The following CYP4Z1 variants were observed in gnomAD, a reference collection of about 807,000 sequenced individuals.
The protein encoded by CYP4Z1 is cytochrome P450 4Z1.
Under a neutral mutation model 54.2 loss-of-function variants are expected in CYP4Z1, and 41 were observed. The observed-to-expected ratio is 0.76, with a 90% CI of 0.59 to 0.98. CYP4Z1 has a LOEUF of 0.98. CYP4Z1 is among the 50% of genes least tolerant of loss of function. CYP4Z1 has a pLI of 0.00. For missense variants in CYP4Z1, 513 were observed against 599.0 expected, an observed-to-expected ratio of 0.86 and a Z score of 1.50; for synonymous variants, 163 against 206.2, an observed-to-expected ratio of 0.79 and a Z score of 1.79.
At chr1:47,093,685 T>C (rs2148534191) in intron 6 of CYP4Z1, among the ~76,000 whole-genome samples, 1 of 152,318 alleles carries the variant, frequency 6.6e-6, no homozygotes, top group African/African-American at 2.4e-5. Context: ...TTCATGCTGA[T>C]GGGACAATAT....
the CYP4Z1 span, among the ~76,000 whole-genome samples, chr1:47,060,745 A>G: frequency 6.6e-6 from 1 of 152,184 alleles, no homozygotes; most frequent in African/African-American, 2.4e-5. Context: ...AAACAGCAGA[A>G]TATATATTCT....
At chr1:47,077,771 C>T (rs557668126) in intron 2 of CYP4Z1, among the ~76,000 whole-genome samples, 5 of 151,786 alleles carry the variant, frequency 3.3e-5, no homozygotes, top group African/African-American at 1.2e-4. Flanking sequence ...CAGGCCTGCA[C>T]CACTATGCCT....
At chr1:47,100,961 T>C (rs1265277540) in intron 8 of CYP4Z1, among the ~76,000 whole-genome samples, 2 of 152,222 alleles carry the variant, frequency 1.3e-5, no homozygotes, top group African/African-American at 4.8e-5. Context: ...TCAGGTTTTC[T>C]ATTTCTTCCC....
intron 8 of CYP4Z1, among the ~76,000 whole-genome samples, chr1:47,104,115 A>ACTT (rs1055479103): frequency 6.6e-6 from 1 of 152,036 alleles, no homozygotes; most frequent in African/African-American, 2.4e-5. Flanking sequence ...ATAGGGGAGG[A>ACTT]CTTTTCCTGA....
At chr1:47,093,966 G>C (rs936426957) in intron 6 of CYP4Z1, among the ~76,000 whole-genome samples, 9 of 152,184 alleles carry the variant, frequency 5.9e-5, no homozygotes, top group African/African-American at 2.2e-4. Flanking sequence ...AAGAGAGAAA[G>C]TTTGATTTCT....
upstream of CYP4Z1, among the ~76,000 whole-genome samples, chr1:47,062,341 C>T (rs1259733600): frequency 3.3e-5 from 5 of 152,222 alleles, no homozygotes; most frequent in Non-Finnish European, 7.3e-5. Flanking sequence ...AGAGAATCTA[C>T]AGACCTTTGA....
At chr1:47,065,994 G>A (rs912624052), upstream of CYP4Z1, among the ~76,000 whole-genome samples, 30 of 151,818 alleles carry the variant, frequency 2.0e-4, no homozygotes, top group Non-Finnish European at 2.7e-4. Context: ...ATATAGAATC[G>A]CCGAACAGAC....
At chr1:47,107,005 A>AGTAG (rs1644761731) in intron 9 of CYP4Z1, among the ~76,000 whole-genome samples, 1 of 151,992 alleles carries the variant, frequency 6.6e-6, no homozygotes. Context: ...TGATTGGGCA[A>AGTAG]TCTAATTAAA....
intron 7 of CYP4Z1, chr1:47,096,636 T>TTC (rs1644679426): frequency 6.6e-6 from 1 of 150,656 alleles, no homozygotes; most frequent in African/African-American, 2.4e-5. Context: ...CTTCTTTTTT[T>TTC]TTTTTTTTTT....
chr1:47,056,844 C>T, the CYP4Z1 span, among the ~76,000 whole-genome samples: 16 of 152,230 alleles, frequency 1.1e-4, no homozygotes, highest in African/African-American at 3.9e-4. Context: ...CTCCTGAATA[C>T]AGCACACTGA....
At chr1:47,115,436 T>TA in intron 9 of CYP4Z1, 93 bp from the exon 10 acceptor site, 1 of 1,181,862 alleles carries the variant, frequency 8.5e-7, no homozygotes, top group Non-Finnish European at 1.2e-6. Flanking sequence ...CCCTAAAACT[T>TA]AAAGTATAAT....
intron 9 of CYP4Z1, among the ~76,000 whole-genome samples, chr1:47,111,604 A>T (rs1644792722): frequency 6.6e-6 from 1 of 152,248 alleles, no homozygotes; most frequent in Admixed American, 6.5e-5. Context: ...TATACAGACG[A>T]TCTAAACAAT....
Position 47,094,563 on chromosome 1 carries a change from T to C in CYP4Z1, c.773-3T>C, listed in dbSNP as rs773503669. 8 of 1,548,340 alleles carry C rather than the reference T, an allele frequency of 5.2e-6. No individual in the cohort carries two copies. The Admixed American group carries it at 1.6e-4, about 31-fold the overall frequency. On this transcript the variant is annotated splice_polypyrimidine_tract_variant and splice_region_variant and intron_variant, in intron 6 of 11. Transcript: ENST00000334194. ...TAACAAAGATCATAATTTTTCCATCTAGAGAAAGTAATCCAGGACCGGAAG... is the reference window on the plus strand; with the variant it reads ...TAACAAAGATCATAATTTTTCCATCCAGAGAAAGTAATCCAGGACCGGAAG...
chr1:47,083,671 T>G (rs894074677), intron 4 of CYP4Z1, among the ~76,000 whole-genome samples: 2 of 152,284 alleles, frequency 1.3e-5, no homozygotes, highest in African/African-American at 2.4e-5. Context: ...GAGGAAGAGT[T>G]GAGTTCAAAC....
chr1:47,107,406 A>G (rs1201267947), intron 9 of CYP4Z1, among the ~76,000 whole-genome samples: 10 of 152,032 alleles, frequency 6.6e-5, no homozygotes, highest in Non-Finnish European at 2.9e-5. Flanking sequence ...CTTTGCTATC[A>G]TGGGGATCTT....
chr1:47,108,385 G>T (rs866185454), intron 9 of CYP4Z1, among the ~76,000 whole-genome samples: 1 of 152,070 alleles, frequency 6.6e-6, no homozygotes, highest in Admixed American at 6.5e-5. Flanking sequence ...TCCTCTATAC[G>T]CTTTCTCTGC....
intron 2 of CYP4Z1, among the ~76,000 whole-genome samples, chr1:47,074,526 TGTATATAGA>T (rs1644505671): frequency 6.6e-6 from 1 of 152,192 alleles, no homozygotes. Context: ...AGTTAATTTT[TGTATATAGA>T]GTGAGATAAA....
At chr1:47,077,540 A>C (rs763970935) in intron 2 of CYP4Z1, among the ~76,000 whole-genome samples, 211 of 152,032 alleles carry the variant, frequency 1.4e-3, no homozygotes, top group African/African-American at 4.7e-3. Flanking sequence ...CTTTTAATTG[A>C]AGTTTAATCC....
chr1:47,079,824 A>G (rs1275448631), intron 2 of CYP4Z1, among the ~76,000 whole-genome samples: 2 of 147,566 alleles, frequency 1.4e-5, no homozygotes, highest in African/African-American at 5.0e-5. Flanking sequence ...ACAAAGGGAA[A>G]TGTCTAGAGG....
Sources: gnomAD v4.1 joint callset for allele counts (sites outside exome capture counted in the v4.1 genomes callset) on GRCh38, gnomAD v4.1.1 for gene constraint, MANE v1.5 for transcripts, NCBI Gene and HGNC (gene_info 2026-07-23, HGNC 2026-07-21) for gene names.